Variants in LGSN observed in about 807,000 individuals in gnomAD.
LGSN encodes the protein lengsin, lens protein with glutamine synthetase domain, also known as lengsin.
A neutral mutation model predicts 19.5 loss-of-function variants in LGSN; 21 were observed. The observed-to-expected ratio is 1.07, with a 90% confidence interval of 0.76 to 1.55. LGSN has a LOEUF of 1.55. LGSN is among the 40% of genes most tolerant of loss of function. The probability of loss-of-function intolerance (pLI) is 0.00; values close to 1 mark genes in which losing one functional copy is unlikely to be tolerated. For missense variants in LGSN, 673 were observed against 608.5 expected (o/e 1.11, Z -1.12); for synonymous variants, 257 against 215.6 (o/e 1.19, Z -1.68).
the LGSN span, among the ~76,000 whole-genome samples, chr6:63,331,865 A>T: frequency 6.6e-6 from 1 of 152,082 alleles, no homozygotes; most frequent in Non-Finnish European, 1.5e-5. Flanking sequence ...TTAGTGGCCC[A>T]TACCGACGCA....
At chr6:63,391,259 T>G in the LGSN span, among the ~76,000 whole-genome samples, 1 of 152,236 alleles carries the variant, frequency 6.6e-6, no homozygotes, top group African/African-American at 2.4e-5. Flanking sequence ...CATTTTCAAG[T>G]TATCTTAGTT....
chr6:63,454,112 C>T, the LGSN span, among the ~76,000 whole-genome samples: 1 of 152,150 alleles, frequency 6.6e-6, no homozygotes, highest in Non-Finnish European at 1.5e-5. Flanking sequence ...CCTGATGCTA[C>T]TTCTCAAATA....
At chr6:63,464,970 G>T in the LGSN span, among the ~76,000 whole-genome samples, 3 of 147,282 alleles carry the variant, frequency 2.0e-5, no homozygotes, top group Non-Finnish European at 4.5e-5. Context: ...AGGTTGCAGT[G>T]AGCTGAGATC....
At chr6:63,543,897 G>T in the LGSN span, among the ~76,000 whole-genome samples, 1 of 152,212 alleles carries the variant, frequency 6.6e-6, no homozygotes, top group Non-Finnish European at 1.5e-5. Flanking sequence ...GTACACAAAA[G>T]CATTGATAGT....
At chr6:63,494,716 C>A in the LGSN span, among the ~76,000 whole-genome samples, 1 of 152,190 alleles carries the variant, frequency 6.6e-6, no homozygotes. Context: ...CCCCCATGAA[C>A]CCAGCTGTTC....
upstream of LGSN, among the ~76,000 whole-genome samples, chr6:63,320,669 G>C (rs776763024): frequency 1.3e-4 from 20 of 152,134 alleles, no homozygotes; most frequent in Admixed American, 1.3e-4. Context: ...AGTAAAGGGG[G>C]TTTGAAATCA....
chr6:63,403,104 A>G, the LGSN span, among the ~76,000 whole-genome samples: 1 of 150,446 alleles, frequency 6.6e-6, no homozygotes, highest in Non-Finnish European at 1.5e-5. Context: ...AGAGAGACAG[A>G]GAGAGAGAGA....
At chr6:63,385,101 T>A in the LGSN span, among the ~76,000 whole-genome samples, 1 of 152,338 alleles carries the variant, frequency 6.6e-6, no homozygotes, top group Middle Eastern at 3.4e-3. Context: ...CAGCCTGTGG[T>A]ATTTGGTTAT....
At chr6:63,565,742 C>T in the LGSN span, among the ~76,000 whole-genome samples, 1 of 152,152 alleles carries the variant, frequency 6.6e-6, no homozygotes, top group Admixed American at 6.5e-5. Flanking sequence ...ATTTCTGTGT[C>T]TAAATTTCCC....
the LGSN span, among the ~76,000 whole-genome samples, chr6:63,383,267 G>A: frequency 6.6e-6 from 1 of 151,792 alleles, no homozygotes; most frequent in Non-Finnish European, 1.5e-5. Context: ...CCAACCAAGA[G>A]TGGATTTTTT....
chr6:63,436,483 T>C, the LGSN span, among the ~76,000 whole-genome samples: 2 of 152,222 alleles, frequency 1.3e-5, no homozygotes, highest in Non-Finnish European at 2.9e-5. Context: ...TCAAAATAAA[T>C]GAATGGGTTC....
At chr6:63,500,237 A>C in the LGSN span, among the ~76,000 whole-genome samples, 1 of 149,518 alleles carries the variant, frequency 6.7e-6, no homozygotes, top group Non-Finnish European at 1.5e-5. Flanking sequence ...CTTACTGAAA[A>C]CTTGAGGTTA....
Position 63,276,194 on chromosome 6 carries a change from C to A in LGSN, c.*3827G>T, listed in dbSNP as rs534626907. On this transcript the variant is annotated 3_prime_UTR_variant, in exon 4 of 4. Transcript: ENST00000370657. Reference sequence around the variant, plus strand: ...TGAGTGTATTTTGTCAAACAGGTGACTGGAGATATGTCAATAGACTGTTCT... The same window carrying A: ...TGAGTGTATTTTGTCAAACAGGTGAATGGAGATATGTCAATAGACTGTTCT... 11 of 152,290 alleles carry A rather than the reference C, an allele frequency of 7.2e-5. No homozygotes were observed. The highest frequency in any genetic ancestry group is 1.3e-4 in the Non-Finnish European group (9 of 68,008). 9.4% of individuals were successfully genotyped at this position (152,290 alleles called of 1,614,324 possible).
chr6:63,334,433 A>G, the LGSN span, among the ~76,000 whole-genome samples: 80 of 152,206 alleles, frequency 5.3e-4, no homozygotes, highest in Non-Finnish European at 1.0e-3. Flanking sequence ...GGAAAACTAC[A>G]AAACACTAAT....
At chr6:63,539,991 T>C in the LGSN span, among the ~76,000 whole-genome samples, 3 of 152,200 alleles carry the variant, frequency 2.0e-5, no homozygotes, top group Non-Finnish European at 4.4e-5. Context: ...AATAGGAATG[T>C]TCATGACTGT....
At chr6:63,432,818 C>T in the LGSN span, among the ~76,000 whole-genome samples, 1 of 152,034 alleles carries the variant, frequency 6.6e-6, no homozygotes, top group Non-Finnish European at 1.5e-5. Context: ...AAAGATTTAC[C>T]TCCCCAGAGG....
At chr6:63,468,492 C>T in the LGSN span, among the ~76,000 whole-genome samples, 4 of 152,036 alleles carry the variant, frequency 2.6e-5, no homozygotes, top group Admixed American at 1.3e-4. Context: ...CAGTGGCGAG[C>T]TCTCAGTTCA....
At chr6:63,364,179 G>A in the LGSN span, among the ~76,000 whole-genome samples, 5 of 151,924 alleles carry the variant, frequency 3.3e-5, no homozygotes, top group Non-Finnish European at 7.4e-5. Flanking sequence ...GTATTCAGGA[G>A]ACCCATCTCA....
At chr6:63,389,662 G>A in the LGSN span, among the ~76,000 whole-genome samples, 2 of 152,318 alleles carry the variant, frequency 1.3e-5, no homozygotes, top group African/African-American at 2.4e-5. Flanking sequence ...CTGTGAAACT[G>A]CTACATGGTT....
Sources: gnomAD v4.1 joint callset for allele counts (sites outside exome capture counted in the v4.1 genomes callset) on GRCh38, gnomAD v4.1.1 for gene constraint, MANE v1.5 for transcripts, NCBI Gene and HGNC (gene_info 2026-07-23, HGNC 2026-07-21) for gene names.